The following RANBP2 variants were observed in gnomAD, a reference collection of about 807,000 sequenced individuals.
RANBP2 encodes E3 SUMO-protein ligase RanBP2.
In RANBP2, 57 loss-of-function variants were observed where a neutral mutation model predicts 303.6. The observed-to-expected ratio is 0.19, with a 90% CI of 0.15 to 0.23. The LOEUF is 0.23. Among genes scored for constraint, RANBP2 ranks in the 10% least tolerant of loss-of-function variants. The pLI, the probability that RANBP2 is intolerant of heterozygous loss-of-function variation, is 1.00. For missense variants in RANBP2, 3,138 were observed against 3,780.8 expected, an observed-to-expected ratio of 0.83 and a Z score of 4.46; for synonymous variants, 1,167 against 1,301.5, an observed-to-expected ratio of 0.90 and a Z score of 2.23.
At chr2:109,450,031 C>G in the RANBP2 span, among the ~76,000 whole-genome samples, 25 of 152,112 alleles carry the variant, frequency 1.6e-4, no homozygotes, top group East Asian at 3.9e-4. Flanking sequence ...ATTCTTTTAG[C>G]CATGAAGTGC....
the RANBP2 span, among the ~76,000 whole-genome samples, chr2:109,103,706 G>T: frequency 6.6e-6 from 1 of 152,170 alleles, no homozygotes; most frequent in Non-Finnish European, 1.5e-5. Context: ...TTTAAAAGGT[G>T]CTAGACTCTC....
chr2:109,396,999 G>GC, the RANBP2 span, among the ~76,000 whole-genome samples: 1 of 152,112 alleles, frequency 6.6e-6, no homozygotes, highest in Non-Finnish European at 1.5e-5. Context: ...GCTTCAGAAT[G>GC]CCCCCCGGTG....
the RANBP2 span, among the ~76,000 whole-genome samples, chr2:109,473,744 G>A: frequency 1.3e-5 from 1 of 74,794 alleles, no homozygotes; most frequent in Non-Finnish European, 2.5e-5. Context: ...ACTCCTGCCT[G>A]CCTCAGGCTA....
the RANBP2 span, among the ~76,000 whole-genome samples, chr2:109,187,787 G>C: frequency 3.9e-5 from 6 of 152,204 alleles, no homozygotes; most frequent in Non-Finnish European, 1.5e-5. Flanking sequence ...AGGTGGGCTT[G>C]CTTCCGACTT....
chr2:109,589,315 T>C, the RANBP2 span, among the ~76,000 whole-genome samples: 10 of 152,154 alleles, frequency 6.6e-5, no homozygotes, highest in African/African-American at 2.4e-4. Context: ...GGCAGGTTAC[T>C]TGAGGCCAGG....
the RANBP2 span, among the ~76,000 whole-genome samples, chr2:109,199,598 GGA>G: frequency 8.4e-3 from 2 of 238 alleles, no homozygotes; most frequent in Admixed American, 0.091. Flanking sequence ...GGAATGGAAT[GGA>G]ATGGAATGGA....
At chr2:108,997,193 G>A in the RANBP2 span, among the ~76,000 whole-genome samples, 2 of 152,188 alleles carry the variant, frequency 1.3e-5, no homozygotes, top group African/African-American at 4.8e-5. Flanking sequence ...TGTAATCCCA[G>A]CACTTTGGGA....
the RANBP2 span, among the ~76,000 whole-genome samples, chr2:109,036,869 C>T: frequency 6.6e-6 from 1 of 152,118 alleles, no homozygotes; most frequent in African/African-American, 2.4e-5. Context: ...TCAGGCTGGG[C>T]AAGGTGGCTC....
chr2:108,837,100 G>C, the RANBP2 span, among the ~76,000 whole-genome samples: 1 of 152,038 alleles, frequency 6.6e-6, no homozygotes, highest in East Asian at 1.9e-4. Flanking sequence ...AAGTGGTGAG[G>C]GTGTGCTTGT....
chr2:108,939,247 A>G, the RANBP2 span, among the ~76,000 whole-genome samples: 5 of 152,072 alleles, frequency 3.3e-5, no homozygotes, highest in Admixed American at 3.3e-4. Flanking sequence ...GCACGATCTC[A>G]GCTCACTGCA....
At chr2:109,051,140 C>T in the RANBP2 span, among the ~76,000 whole-genome samples, 1 of 152,224 alleles carries the variant, frequency 6.6e-6, no homozygotes, top group Admixed American at 6.5e-5. Context: ...GTCTATCTGT[C>T]TTACTCAGTT....
chr2:108,753,684 C>T, intron 14 of RANBP2, 121 bp downstream of exon 14: 1 of 1,582,722 alleles, frequency 6.3e-7, no homozygotes. Context: ...TCACTGCAAC[C>T]TCTGCTTCCC....
At chr2:108,975,682 G>A in the RANBP2 span, among the ~76,000 whole-genome samples, 34 of 152,272 alleles carry the variant, frequency 2.2e-4, no homozygotes, top group African/African-American at 6.5e-4. Flanking sequence ...AGGAGCTTGC[G>A]AAGCCCCTGG....
chr2:109,498,244 C>G, the RANBP2 span, among the ~76,000 whole-genome samples: 5 of 152,228 alleles, frequency 3.3e-5, no homozygotes, highest in Non-Finnish European at 7.3e-5. Flanking sequence ...CCCGTAGATG[C>G]TCTGAGACAC....
At chr2:108,849,705 A>G in the RANBP2 span, among the ~76,000 whole-genome samples, 6 of 152,350 alleles carry the variant, frequency 3.9e-5, no homozygotes, top group Admixed American at 2.6e-4. Flanking sequence ...TCACTGTGGA[A>G]CAAGGAAGAG....
At chr2:108,856,885 A>T in the RANBP2 span, 2 of 1,613,248 alleles carry the variant, frequency 1.2e-6, no homozygotes, top group South Asian at 2.2e-5. Context: ...AGGCTGTTCC[A>T]GTAATATTAA....
chr2:109,688,862 T>C, the RANBP2 span, among the ~76,000 whole-genome samples: 1 of 149,320 alleles, frequency 6.7e-6, no homozygotes, highest in African/African-American at 2.5e-5. Context: ...CTTCCTTTCC[T>C]GGCCTACATT....
At chr2:109,288,367 CAG>C in the RANBP2 span, among the ~76,000 whole-genome samples, 1 of 152,188 alleles carries the variant, frequency 6.6e-6, no homozygotes, top group African/African-American at 2.4e-5. Flanking sequence ...CAGGAACACT[CAG>C]AGGTATTCTC....
the RANBP2 span, among the ~76,000 whole-genome samples, chr2:108,834,277 A>G: frequency 2.7e-5 from 4 of 150,780 alleles, no homozygotes; most frequent in Non-Finnish European, 4.4e-5. Flanking sequence ...CAGTGGCGCA[A>G]TCTCGGCTCA....
Sources: gnomAD v4.1 joint callset for allele counts (sites outside exome capture counted in the v4.1 genomes callset) on GRCh38, gnomAD v4.1.1 for gene constraint, MANE v1.5 for transcripts, NCBI Gene and HGNC (gene_info 2026-07-23, HGNC 2026-07-21) for gene names.